The following CDK5RAP2 variants were observed in gnomAD, a reference collection of about 807,000 sequenced individuals.
The protein encoded by CDK5RAP2 is CDK5 regulatory subunit associated protein 2.
A neutral mutation model predicts 232.9 loss-of-function variants in CDK5RAP2; 147 were observed. The observed-to-expected ratio is 0.63, with a 90% CI of 0.55 to 0.72. The LOEUF is 0.72. CDK5RAP2 is among the 30% of genes least tolerant of loss of function. CDK5RAP2 has a pLI of 0.00. For missense variants in CDK5RAP2, 2,195 were observed against 2,231.5 expected, an observed-to-expected ratio of 0.98 and a Z score of 0.33; for synonymous variants, 833 against 833.7, an observed-to-expected ratio of 1.00 and a Z score of 0.01.
At chr9:120,522,482 G>C (rs2040715913) in intron 11 of CDK5RAP2, among the ~76,000 whole-genome samples, 1 of 152,166 alleles carries the variant, frequency 6.6e-6, no homozygotes, top group Admixed American at 6.5e-5. Flanking sequence ...GCATAAATAT[G>C]CATTACAGTC....
intron 7 of CDK5RAP2, among the ~76,000 whole-genome samples, chr9:120,533,730 T>C (rs1046288480): frequency 1.4e-5 from 2 of 144,388 alleles, no homozygotes; most frequent in African/African-American, 5.2e-5. Context: ...CCTGGGAAGC[T>C]GAGGTTGCAG....
At chr9:120,539,776 A>T (rs2041549641) in intron 5 of CDK5RAP2, among the ~76,000 whole-genome samples, 1 of 152,220 alleles carries the variant, frequency 6.6e-6, no homozygotes, top group African/African-American at 2.4e-5. Flanking sequence ...GAAAGGGAAT[A>T]GCTGGGTCAC....
intron 7 of CDK5RAP2, among the ~76,000 whole-genome samples, chr9:120,531,717 A>G (rs934810502): frequency 2.6e-5 from 4 of 152,214 alleles, no homozygotes; most frequent in African/African-American, 7.2e-5. Flanking sequence ...GGGAGAAAGA[A>G]GAAAGATTTT....
chr9:120,513,089 G>A (rs1482911931), intron 12 of CDK5RAP2, among the ~76,000 whole-genome samples: 2 of 152,160 alleles, frequency 1.3e-5, no homozygotes, highest in Admixed American at 6.5e-5. Flanking sequence ...ACATCCTAGA[G>A]TCCTCGTGGA....
Position 120,448,050 on chromosome 9 carries a change from G to C in CDK5RAP2, c.2870C>G (p.Thr957Ser), listed in dbSNP as rs1202150713. The C allele has an allele frequency of 6.2e-7, 1 of 1,614,054 alleles. No homozygotes were observed. The highest frequency in any genetic ancestry group is 1.3e-5 in the African/African-American group (1 of 74,928). Residue 957 changes from threonine to serine, a missense_variant, in exon 22 of 38, where the codon ACC (threonine) becomes AGC (serine). Physicochemically the swap from Thr to Ser is moderately conservative, Grantham distance 58. Coordinates refer to ENST00000349780, the MANE Select transcript of CDK5RAP2 (RefSeq NM_018249.6). ...CTGCAGCTGCGTCACCACCTCCTGGGTGGCAGGGAGACGATACATATTTCC... is the reference window on the plus strand; with the variant it reads ...CTGCAGCTGCGTCACCACCTCCTGGCTGGCAGGGAGACGATACATATTTCC... ...SLGNMYRLPA[T>S]QEVVTQLQSQ...
chr9:120,551,107 T>C (rs999789345), intron 3 of CDK5RAP2, among the ~76,000 whole-genome samples: 1 of 152,088 alleles, frequency 6.6e-6, no homozygotes, highest in African/African-American at 2.4e-5. Flanking sequence ...AATTTGAGCA[T>C]TAAAATGAAT....
At chr9:120,470,330 G>A in intron 16 of CDK5RAP2, 110 bp from the exon 17 acceptor site, 1 of 622,450 alleles carries the variant, frequency 1.6e-6, no homozygotes. Flanking sequence ...CAATGTGAAT[G>A]GGGGAGGTGG....
intron 23 of CDK5RAP2, among the ~76,000 whole-genome samples, chr9:120,441,253 C>T (rs2035880591): frequency 1.3e-5 from 2 of 152,182 alleles, no homozygotes; most frequent in South Asian, 2.1e-4. Flanking sequence ...AGTAGAAAAA[C>T]CTGTCTTTGA....
intron 12 of CDK5RAP2, among the ~76,000 whole-genome samples, chr9:120,493,858 G>A (rs1019934581): frequency 6.6e-5 from 10 of 152,184 alleles, no homozygotes; most frequent in Non-Finnish European, 4.4e-5. Flanking sequence ...TTGGGAGACC[G>A]AGGCAGGCAG....
rs538418680 is a variant in CDK5RAP2 at position 120,477,746 on chromosome 9, T to C, written c.1627-296A>G. Among the ~76,000 whole-genome samples, 7 of 152,338 alleles carry C rather than the reference T, an allele frequency of 4.6e-5. No homozygotes were observed. In the South Asian group the frequency reaches 1.4e-3, roughly 32 times the overall value. ...GGATTAGCCCATCATGAGTCTGTCA[T>C]CCCTCAGAGCTGCTGTTCATCGTTT... On this transcript the variant is annotated intron_variant, in intron 14 of 37. Coordinates refer to ENST00000349780, the MANE Select transcript of CDK5RAP2 (RefSeq NM_018249.6).
intron 1 of CDK5RAP2, among the ~76,000 whole-genome samples, chr9:120,573,018 T>C (rs1448270901): frequency 6.6e-6 from 1 of 152,218 alleles, no homozygotes; most frequent in African/African-American, 2.4e-5. Context: ...GCCAGGTCTT[T>C]TATGTCCAAC....
intron 27 of CDK5RAP2, among the ~76,000 whole-genome samples, chr9:120,418,257 AGAG>A (rs1191694259): frequency 2.0e-5 from 3 of 152,214 alleles, no homozygotes; most frequent in African/African-American, 7.2e-5. Context: ...ATGGGTCCAC[AGAG>A]GAGCAAGAAA....
In CDK5RAP2 at chr9:120,426,509, TAGAA is replaced by T. The variant is rs566440751; in HGVS notation, c.3956-3772_3956-3769del. On this transcript the variant is annotated intron_variant, in intron 25 of 37. Transcript: ENST00000349780. ...TTATTATCTAAAGACCTGGAATTAA[TAGAA>T]AGGAGTGTCTGAGTTAAGCTAAGGG... 2.6e-5 allele frequency among the ~76,000 whole-genome samples: 4 copies of T among 152,318 alleles called. No homozygotes were observed. The East Asian group carries it at 7.7e-4, about 29-fold the overall frequency.
intron 12 of CDK5RAP2, among the ~76,000 whole-genome samples, chr9:120,512,695 T>TA (rs1434358154): frequency 1.3e-5 from 2 of 152,340 alleles, no homozygotes; most frequent in Admixed American, 1.3e-4. Flanking sequence ...TGAAATTAGA[T>TA]AGAGTCCATA....
At chr9:120,546,494 T>C (rs2132030746) in intron 4 of CDK5RAP2, among the ~76,000 whole-genome samples, 1 of 152,342 alleles carries the variant, frequency 6.6e-6, no homozygotes, top group South Asian at 2.1e-4. Flanking sequence ...GGCAGACTTC[T>C]CAAACTTATC....
Position 120,460,604 on chromosome 9 carries a change from G to C in CDK5RAP2, c.2170C>G (p.Leu724Val), listed in dbSNP as rs751882703. The C allele has an allele frequency of 1.2e-5, 19 of 1,614,118 alleles. No individual in the cohort carries two copies. Among genetic ancestry groups the C allele is most frequent in the Non-Finnish European group, 1.6e-5 (19 of 1,180,020 alleles). The part of the protein sequence containing the change: ...KIGEDDEINF[L>V]SDQHLQQSNE... ...CTCTGCTGCAAATGCTGGTCACTCAGGAAATTAATCTCGTCATCCTCCCCA... is the reference window on the plus strand; with the variant it reads ...CTCTGCTGCAAATGCTGGTCACTCACGAAATTAATCTCGTCATCCTCCCCA... The change falls in exon 19 of 38, where the codon CTG (leucine) becomes GTG (valine). Residue 724 changes from leucine to valine, a missense_variant. Transcript: ENST00000349780.
chr9:120,458,692 G>A (rs182206268), intron 19 of CDK5RAP2, 70 bp from the exon 20 acceptor site: 289 of 1,393,490 alleles, frequency 2.1e-4, no homozygotes, highest in East Asian at 2.3e-5. Context: ...GAGAGAGGAT[G>A]GAGATGCAGG....
intron 8 of CDK5RAP2, among the ~76,000 whole-genome samples, chr9:120,529,701 T>G (rs924160312): frequency 1.3e-5 from 2 of 151,908 alleles, no homozygotes; most frequent in Non-Finnish European, 2.9e-5. Context: ...GAAAATAAAG[T>G]CCCCAGGTAA....
Position 120,437,391 on chromosome 9 carries a change from C to A in CDK5RAP2, c.3859G>T (p.Ala1287Ser), listed in dbSNP as rs587783386. ...MIKAFEELLQASDVDYCVAEG... is the reference protein window; with the variant it reads ...MIKAFEELLQSSDVDYCVAEG... Reference sequence around the variant, plus strand: ...GCCACACAGTAATCCACATCACTGGCCTGCAGCAACTCCTCAAATGCCTTA... The same window carrying A: ...GCCACACAGTAATCCACATCACTGGACTGCAGCAACTCCTCAAATGCCTTA... The change falls in exon 25 of 38, where the codon GCC (alanine) becomes TCC (serine). Residue 1287 changes from alanine to serine, a missense_variant. Transcript: ENST00000349780. The A allele has an allele frequency of 3.0e-5, 49 of 1,613,974 alleles. No individual in the cohort carries two copies. Among genetic ancestry groups the A allele is most frequent in the Non-Finnish European group, 3.6e-5 (43 of 1,179,992 alleles).
Sources: gnomAD v4.1 joint callset for allele counts (sites outside exome capture counted in the v4.1 genomes callset) on GRCh38, gnomAD v4.1.1 for gene constraint, MANE v1.5 for transcripts, NCBI Gene and HGNC (gene_info 2026-07-23, HGNC 2026-07-21) for gene names.